Variants in TYW1B observed in about 807,000 individuals in gnomAD.
The protein encoded by TYW1B is tRNA-yW synthesizing protein 1 homolog B, also known as S-adenosyl-L-methionine-dependent tRNA 4-demethylwyosine synthase TYW1B.
In TYW1B, 73 loss-of-function variants were observed where a neutral mutation model predicts 86.9. The observed-to-expected ratio is 0.84, with a 90% CI of 0.70 to 1.02. TYW1B has a LOEUF of 1.02. TYW1B is among the 50% of genes least tolerant of loss of function. The pLI is 0.00. For missense variants in TYW1B, 637 were observed against 827.4 expected (o/e 0.77, Z 2.82); for synonymous variants, 248 against 292.8 (o/e 0.85, Z 1.56).
chr7:72,784,427 A>C (rs1315400992), intron 6 of TYW1B, among the ~76,000 whole-genome samples: 1 of 152,238 alleles, frequency 6.6e-6, no homozygotes, highest in Non-Finnish European at 1.5e-5. Context: ...AGATGATAAT[A>C]GTTTGATCAT....
intron 13 of TYW1B, among the ~76,000 whole-genome samples, chr7:72,593,815 C>A: frequency 1.0e-5 from 1 of 95,992 alleles, no homozygotes; most frequent in Non-Finnish European, 1.8e-5. Flanking sequence ...GAGCCAGACT[C>A]CATCTAAAAA....
chr7:72,615,950 A>G (rs1585849978), intron 13 of TYW1B, among the ~76,000 whole-genome samples: 1 of 152,264 alleles, frequency 6.6e-6, no homozygotes, highest in South Asian at 2.1e-4. Context: ...TGAGAAGGCA[A>G]GAGATATAAA....
chr7:72,775,749 A>G (rs1270946548), intron 7 of TYW1B, among the ~76,000 whole-genome samples: 3 of 152,024 alleles, frequency 2.0e-5, no homozygotes, highest in Non-Finnish European at 4.4e-5. Flanking sequence ...AAAACAAAAA[A>G]CAAGTAGTCC....
intron 12 of TYW1B, among the ~76,000 whole-genome samples, chr7:72,627,510 CATAA>C (rs1563036275): frequency 3.5e-5 from 4 of 114,218 alleles, no homozygotes; most frequent in Non-Finnish European, 5.8e-5. Context: ...CATAACATAA[CATAA>C]ATAAAATAAA....
At chr7:72,773,924 G>T (rs1325663005) in intron 7 of TYW1B, among the ~76,000 whole-genome samples, 1 of 151,932 alleles carries the variant, frequency 6.6e-6, no homozygotes, top group Non-Finnish European at 1.5e-5. Context: ...AATTAGCCAG[G>T]TGTGGTGGCG....
At chr7:72,681,273 T>C (rs1251734651) in intron 11 of TYW1B, among the ~76,000 whole-genome samples, 2 of 152,238 alleles carry the variant, frequency 1.3e-5, no homozygotes, top group East Asian at 1.9e-4. Flanking sequence ...GTGGCAATCA[T>C]GTGTCAGTCA....
intron 2 of TYW1B, among the ~76,000 whole-genome samples, chr7:72,824,821 G>A (rs1554481155): frequency 6.6e-6 from 1 of 151,814 alleles, no homozygotes; most frequent in African/African-American, 2.4e-5. Context: ...TTAGAGAATG[G>A]GACTGGGCAC....
chr7:72,724,272 G>C (rs556321942), intron 9 of TYW1B, among the ~76,000 whole-genome samples: 1 of 152,062 alleles, frequency 6.6e-6, no homozygotes, highest in East Asian at 1.9e-4. Flanking sequence ...AGGAGTTCAA[G>C]ACCAGCCTGG....
intron 9 of TYW1B, among the ~76,000 whole-genome samples, chr7:72,720,777 C>T (rs1786880854): frequency 6.6e-6 from 1 of 152,036 alleles, no homozygotes. Context: ...ACCTTAAGTT[C>T]TAGGGTACAT....
chr7:72,728,060 T>C (rs1476845664), intron 9 of TYW1B, among the ~76,000 whole-genome samples: 1 of 152,152 alleles, frequency 6.6e-6, no homozygotes, highest in African/African-American at 2.4e-5. Context: ...GTGCATTAGA[T>C]GGAAGAAACT....
intron 9 of TYW1B, among the ~76,000 whole-genome samples, chr7:72,714,002 T>TAA (rs1786728761): frequency 6.7e-6 from 1 of 150,146 alleles, no homozygotes; most frequent in South Asian, 2.2e-4. Context: ...TGGTACCAGT[T>TAA]AAACTACATC....
At chr7:72,765,166 C>G (rs1296579582) in intron 7 of TYW1B, among the ~76,000 whole-genome samples, 1 of 152,188 alleles carries the variant, frequency 6.6e-6, no homozygotes, top group Admixed American at 6.5e-5. Context: ...AAAATGGTCA[C>G]TTCCTGGAAG....
chr7:72,674,753 TTC>T lies in TYW1B; in HGVS notation c.1506+19932_1506+19933del, dbSNP rs1176744474. On this transcript the variant is annotated intron_variant, in intron 11 of 13. Transcript: ENST00000620995. ...AAAAGCACAGTTTCAAATTTTCCTT[TTC>T]TCTCTTTTTTTTTTTTTTTTTTAAA... 4.7e-3 allele frequency among the ~76,000 whole-genome samples: 523 copies of T among 110,910 alleles called. 3 individuals carry two copies. The highest frequency in any genetic ancestry group is 7.1e-3 in the South Asian group (22 of 3,080). 72.8% of individuals were successfully genotyped at this position (110,910 alleles called of 152,430 possible).
intron 8 of TYW1B, among the ~76,000 whole-genome samples, chr7:72,741,063 C>T (rs1358502837): frequency 3.9e-4 from 59 of 151,994 alleles, no homozygotes; most frequent in African/African-American, 1.4e-3. Context: ...CATTTCTTTG[C>T]ATACAAACCA....
At chr7:72,655,073 C>T (rs1313089114) in intron 11 of TYW1B, among the ~76,000 whole-genome samples, 2 of 152,014 alleles carry the variant, frequency 1.3e-5, no homozygotes, top group African/African-American at 4.8e-5. Flanking sequence ...TGACTAGAGG[C>T]GCTTGGTACT....
In TYW1B at chr7:72,719,426, C is replaced by T. The variant is rs1424418058; in HGVS notation, c.1193-5628G>A. Among the ~76,000 whole-genome samples, 9 of 151,664 alleles carry T rather than the reference C, an allele frequency of 5.9e-5. No individual in the cohort carries two copies. The South Asian group carries it at 1.0e-3, about 17-fold the overall frequency. ...CGGGTGGATCATGAGGTTAGGGGTT[C>T]GAGACCAGCCTGACCAACATGGTGA... is the stretch of plus-strand genomic sequence containing the variant. On this transcript the variant is annotated intron_variant, in intron 9 of 13. Coordinates refer to ENST00000620995, the MANE Select transcript of TYW1B (RefSeq NM_001145440.3).
chr7:72,811,367 C>T (rs1346214290), intron 3 of TYW1B, among the ~76,000 whole-genome samples: 15 of 151,356 alleles, frequency 9.9e-5, no homozygotes, highest in South Asian at 4.2e-4. Flanking sequence ...AAGAACACAC[C>T]TGGGGAAAAT....
At chr7:72,709,855 T>C (rs1301416155) in intron 10 of TYW1B, among the ~76,000 whole-genome samples, 8 of 152,196 alleles carry the variant, frequency 5.3e-5, no homozygotes, top group African/African-American at 1.9e-4. Context: ...TCCCTCCTCA[T>C]TTCCCAGTCA....
At chr7:72,672,110 A>G (rs548905690) in intron 11 of TYW1B, among the ~76,000 whole-genome samples, 1 of 152,174 alleles carries the variant, frequency 6.6e-6, no homozygotes, top group South Asian at 2.1e-4. Context: ...ATGAGAGCTG[A>G]TGGTTTGAAA....
Sources: allele counts gnomAD v4.1 joint callset (sites outside exome capture counted in the v4.1 genomes callset), GRCh38; gene constraint gnomAD v4.1.1; transcripts MANE v1.5; gene names NCBI Gene and HGNC (gene_info 2026-07-23, HGNC 2026-07-21).